Variants in FAAH2 observed in about 807,000 individuals in gnomAD.
FAAH2 encodes the protein fatty acid amide hydrolase 2, also known as fatty-acid amide hydrolase 2.
FAAH2 carries 60 observed loss-of-function variants against 36.9 expected under a neutral mutation model. The observed-to-expected ratio is 1.63, with a 90% CI of 1.32 to 2.02. The LOEUF (loss-of-function observed/expected upper bound fraction) is 2.02, where lower values mean the gene tolerates loss of function less well. Ranked by LOEUF, FAAH2 falls within the 30% of genes most tolerant of loss-of-function variation. The pLI, the probability that FAAH2 is intolerant of heterozygous loss-of-function variation, is 0.00. For missense variants in FAAH2, 689 were observed against 397.5 expected (o/e 1.73, Z -6.23); for synonymous variants, 214 against 143.8 (o/e 1.49, Z -3.49).
chrX:57,440,843 G>C (rs932716994), intron 8 of FAAH2, among the ~76,000 whole-genome samples: 11 of 111,590 alleles, frequency 9.9e-5, no homozygotes, highest in African/African-American at 3.6e-4. Flanking sequence ...GGCCTTTTCT[G>C]CATCTATTGA....
At chrX:57,349,541 T>C (rs2053941621) in intron 5 of FAAH2, among the ~76,000 whole-genome samples, 1 of 104,222 alleles carries the variant, frequency 9.6e-6, no homozygotes, top group African/African-American at 3.4e-5. Context: ...ATATATATTT[T>C]AAATGTTTTA....
At chrX:57,150,590 C>CT in the FAAH2 span, among the ~76,000 whole-genome samples, 4 of 111,312 alleles carry the variant, frequency 3.6e-5, no homozygotes, top group African/African-American at 6.5e-5. Flanking sequence ...AACCTCTGCC[C>CT]TTTTTTGTTT....
At chrX:57,389,749 C>A (rs2147262861) in intron 7 of FAAH2, among the ~76,000 whole-genome samples, 1 of 110,922 alleles carries the variant, frequency 9.0e-6, no homozygotes, top group South Asian at 3.8e-4. Context: ...CGTAGCATTG[C>A]TGGATCATAT....
chrX:57,467,881 G>A (rs1260851145), intron 10 of FAAH2, among the ~76,000 whole-genome samples: 2 of 111,493 alleles, frequency 1.8e-5, no homozygotes, highest in African/African-American at 3.3e-5. Context: ...ACACAGCTGG[G>A]TACCCCTCTG....
At chrX:57,298,644 CA>C (rs1465654243) in intron 2 of FAAH2, among the ~76,000 whole-genome samples, 1 of 34,238 alleles carries the variant, frequency 2.9e-5, no homozygotes, top group African/African-American at 1.2e-4. Flanking sequence ...AAAAACCCTT[CA>C]AAAAAATCAA....
intron 4 of FAAH2, among the ~76,000 whole-genome samples, chrX:57,334,331 G>A (rs969978281): frequency 4.3e-5 from 4 of 93,074 alleles, no homozygotes; most frequent in Non-Finnish European, 6.8e-5. Context: ...ACCACTGAAA[G>A]AACCATCAAC....
In FAAH2 at chrX:57,395,237, C is replaced by T. The variant is rs777264762; in HGVS notation, c.996+14208C>T. The T allele has an allele frequency of 3.4e-5, 21 of 611,582 alleles. No homozygotes were observed. In the South Asian group the frequency reaches 4.6e-4, roughly 13 times the overall value. 50.4% of individuals were successfully genotyped at this position (611,582 alleles called of 1,213,427 possible). A position where few individuals can be genotyped will look rare whatever the true frequency, so the allele number is the denominator to read the frequency against. ...GCTTTCATCCCAATCTCTTCAGCAGCCTTCAGCTTCACATTATATAAAGAT... is the reference window on the plus strand; with the variant it reads ...GCTTTCATCCCAATCTCTTCAGCAGTCTTCAGCTTCACATTATATAAAGAT... On this transcript the variant is annotated intron_variant, in intron 7 of 10. Coordinates refer to ENST00000374900, the MANE Select transcript of FAAH2 (RefSeq NM_174912.4).
At chrX:57,470,375 A>G (rs2057141112) in intron 10 of FAAH2, among the ~76,000 whole-genome samples, 1 of 111,829 alleles carries the variant, frequency 8.9e-6, no homozygotes, top group Non-Finnish European at 1.9e-5. Context: ...AGAAGAAAAG[A>G]GAAGAATCAA....
At chrX:57,390,234 G>A (rs1009757358) in intron 7 of FAAH2, among the ~76,000 whole-genome samples, 3 of 111,326 alleles carry the variant, frequency 2.7e-5, no homozygotes, top group East Asian at 2.8e-4. Flanking sequence ...CTGTGCTTTC[G>A]GAGATACATG....
At chrX:57,267,250 C>T in the FAAH2 span, among the ~76,000 whole-genome samples, 4 of 112,757 alleles carry the variant, frequency 3.5e-5, no homozygotes. Context: ...CTTTCCTTGC[C>T]CCTTCAGCAT....
the FAAH2 span, among the ~76,000 whole-genome samples, chrX:57,123,031 C>A: frequency 2.7e-5 from 3 of 110,692 alleles, no homozygotes; most frequent in Non-Finnish European, 5.7e-5. Context: ...ATTTTAAGTT[C>A]TAGGGTACAT....
chrX:57,239,398 G>A, the FAAH2 span, among the ~76,000 whole-genome samples: 3 of 111,117 alleles, frequency 2.7e-5, no homozygotes, highest in East Asian at 8.4e-4. Flanking sequence ...GACTTGTACA[G>A]ATTCTCCTGA....
At chrX:57,209,654 G>A in the FAAH2 span, among the ~76,000 whole-genome samples, 1 of 111,615 alleles carries the variant, frequency 9.0e-6, no homozygotes, top group African/African-American at 3.3e-5. Flanking sequence ...TATGGAAGGA[G>A]TGATGCCAGC....
chrX:57,257,962 A>G, the FAAH2 span, among the ~76,000 whole-genome samples: 1 of 112,104 alleles, frequency 8.9e-6, no homozygotes. Flanking sequence ...ACAGAAATAG[A>G]AAAAAATTAA....
intron 2 of FAAH2, among the ~76,000 whole-genome samples, chrX:57,307,726 G>T (rs1046388630): frequency 9.0e-6 from 1 of 110,942 alleles, no homozygotes; most frequent in African/African-American, 3.3e-5. Flanking sequence ...GGATGCAAAT[G>T]ATCCCATCAC....
At chrX:57,290,267 T>C in intron 1 of FAAH2, 1 of 751,335 alleles carries the variant, frequency 1.3e-6, no homozygotes, top group African/African-American at 2.3e-5. Context: ...CAGTTGAAGA[T>C]CTTTGGGGTT....
the FAAH2 span, among the ~76,000 whole-genome samples, chrX:57,245,652 G>A: frequency 4.7e-4 from 53 of 112,246 alleles, no homozygotes; most frequent in Non-Finnish European, 7.7e-4. Flanking sequence ...AATAAAGACA[G>A]AAATAAATAA....
At chrX:57,199,471 A>G in the FAAH2 span, among the ~76,000 whole-genome samples, 21 of 111,108 alleles carry the variant, frequency 1.9e-4, no homozygotes, top group South Asian at 7.7e-4. Context: ...GATTTTTTGA[A>G]TGCTTTAAGA....
At chrX:57,472,430 G>GT (rs1288440015) in intron 10 of FAAH2, among the ~76,000 whole-genome samples, 1 of 111,909 alleles carries the variant, frequency 8.9e-6, no homozygotes, top group Non-Finnish European at 1.9e-5. Flanking sequence ...GTGTCCTGTA[G>GT]TTTTTTTGTT....
Sources: allele counts gnomAD v4.1 joint callset (sites outside exome capture counted in the v4.1 genomes callset), GRCh38; gene constraint gnomAD v4.1.1; transcripts MANE v1.5; gene names NCBI Gene and HGNC (gene_info 2026-07-23, HGNC 2026-07-21).